The following ESF1 variants were observed in gnomAD, a reference collection of about 807,000 sequenced individuals.
ESF1 encodes ESF1 homolog.
Under a neutral mutation model 92.0 loss-of-function variants are expected in ESF1, and 58 were observed. That is an observed-to-expected ratio of 0.63 (90% CI 0.51 to 0.78). The LOEUF (loss-of-function observed/expected upper bound fraction) is 0.78. Ranked by LOEUF, ESF1 falls within the 30% of genes least tolerant of loss-of-function variation. ESF1 has a pLI of 0.00. For missense variants in ESF1, 922 were observed against 989.1 expected, an observed-to-expected ratio of 0.93 and a Z score of 0.91; for synonymous variants, 321 against 313.7, an observed-to-expected ratio of 1.02 and a Z score of -0.24.
intron 9 of ESF1, among the ~76,000 whole-genome samples, chr20:13,752,399 C>T (rs1234217461): frequency 2.0e-5 from 3 of 152,176 alleles, no homozygotes; most frequent in Admixed American, 2.0e-4. Flanking sequence ...ATTCTTTTAG[C>T]TTATTTTTAA....
chr20:13,782,394 A>C, intron 2 of ESF1, 110 bp downstream of exon 2: 2 of 884,126 alleles, frequency 2.3e-6, no homozygotes, highest in South Asian at 3.5e-5. Flanking sequence ...TAAGCATTTG[A>C]CCATTCCATA....
In ESF1 at chr20:13,756,275, G is replaced by A. The variant is rs548521693; in HGVS notation, c.1828+3417C>T. Among the ~76,000 whole-genome samples the A allele has an allele frequency of 6.6e-5, 10 of 152,276 alleles. No homozygotes were observed. The East Asian group carries it at 1.5e-3, about 24-fold the overall frequency. On this transcript the variant is annotated intron_variant, in intron 9 of 13. Transcript: ENST00000617257. ...ACCCTTTACACTTGCATGTGCATGC[G>A]TGCATGTACATAAGGATTCACAGAT...
intron 10 of ESF1, among the ~76,000 whole-genome samples, chr20:13,729,498 GAGA>G (rs1600268850): frequency 6.6e-6 from 1 of 152,192 alleles, no homozygotes; most frequent in African/African-American, 2.4e-5. Context: ...AGATCTGAAG[GAGA>G]AGAATACTTT....
At chr20:13,758,812 T>G (rs1197208078) in intron 9 of ESF1, among the ~76,000 whole-genome samples, 1 of 152,136 alleles carries the variant, frequency 6.6e-6, no homozygotes. Context: ...CCCTGATGAT[T>G]TGCCCAACAA....
At chr20:13,784,848 G>T in intron 1 of ESF1, 32 bp downstream of exon 1, 1 of 587,674 alleles carries the variant, frequency 1.7e-6, no homozygotes. Context: ...CCTTCATCTC[G>T]AGCTCTTCAA....
At chr20:13,745,806 T>G (rs1442570782) in intron 9 of ESF1, among the ~76,000 whole-genome samples, 1 of 152,144 alleles carries the variant, frequency 6.6e-6, no homozygotes, top group Non-Finnish European at 1.5e-5. Flanking sequence ...AGGATGCTTT[T>G]ATAAAGTTCA....
At chr20:13,748,268 T>C (rs975005852) in intron 9 of ESF1, among the ~76,000 whole-genome samples, 31 of 151,998 alleles carry the variant, frequency 2.0e-4, no homozygotes, top group Non-Finnish European at 3.8e-4. Flanking sequence ...TGCTTCAGTT[T>C]TTCTCTCCTG....
intron 2 of ESF1, among the ~76,000 whole-genome samples, chr20:13,777,938 GA>G (rs1980016365): frequency 6.6e-6 from 1 of 152,188 alleles, no homozygotes; most frequent in Admixed American, 6.5e-5. Context: ...AATATTTACT[GA>G]GTATCTACTA....
At chr20:13,742,389 C>T (rs902265848) in intron 9 of ESF1, among the ~76,000 whole-genome samples, 2 of 152,028 alleles carry the variant, frequency 1.3e-5, no homozygotes, top group African/African-American at 4.8e-5. Flanking sequence ...AGGAGAATTG[C>T]TTGAACCCAG....
intron 13 of ESF1, among the ~76,000 whole-genome samples, 159 bp downstream of exon 13, chr20:13,717,209 C>T (rs1034330250): frequency 2.2e-4 from 34 of 152,010 alleles, no homozygotes; most frequent in Non-Finnish European, 8.8e-5. Context: ...CCTCATGCCT[C>T]GGCCTCCAAA....
intron 8 of ESF1, among the ~76,000 whole-genome samples, chr20:13,764,917 TA>T (rs141430960): frequency 0.16 from 23,136 of 143,470 alleles, 2,185 homozygotes; most frequent in East Asian, 0.42. Flanking sequence ...TTTCAAACAT[TA>T]AAAAAAAAAA....
chr20:13,742,476 GAA>G (rs972714262), intron 9 of ESF1, among the ~76,000 whole-genome samples: 1 of 139,064 alleles, frequency 7.2e-6, no homozygotes. Flanking sequence ...GTCTCAAAAA[GAA>G]AAAAAAAAAG....
At chr20:13,755,310 T>C (rs1313382984) in intron 9 of ESF1, among the ~76,000 whole-genome samples, 2 of 152,228 alleles carry the variant, frequency 1.3e-5, no homozygotes, top group Non-Finnish European at 2.9e-5. Flanking sequence ...TTTAAGATTA[T>C]AAACAAACAT....
chr20:13,772,753 A>G, intron 4 of ESF1, 138 bp from the exon 5 acceptor site: 1 of 594,790 alleles, frequency 1.7e-6, no homozygotes, highest in South Asian at 2.2e-5. Flanking sequence ...CAAATCCACT[A>G]TAGGAAGCTA....
chr20:13,762,733 G>GT (rs1979254974), intron 8 of ESF1: 2 of 315,932 alleles, frequency 6.3e-6, no homozygotes, highest in Non-Finnish European at 1.2e-5. Flanking sequence ...ATATGCTGAT[G>GT]TATCTATGAG....
At chr20:13,744,288 G>A (rs1372597899) in intron 9 of ESF1, among the ~76,000 whole-genome samples, 1 of 152,168 alleles carries the variant, frequency 6.6e-6, no homozygotes, top group Non-Finnish European at 1.5e-5. Flanking sequence ...AGAGACACCT[G>A]TAAAACACAT....
chr20:13,721,805 G>A (rs1262565209), intron 11 of ESF1, among the ~76,000 whole-genome samples: 2 of 152,160 alleles, frequency 1.3e-5, no homozygotes, highest in African/African-American at 4.8e-5. Context: ...TTTATTGTAT[G>A]CAGCCCTTCT....
At chr20:13,720,820 A>G (rs574017684) in intron 11 of ESF1, among the ~76,000 whole-genome samples, 107 of 152,368 alleles carry the variant, frequency 7.0e-4, no homozygotes, top group Admixed American at 1.2e-3. Flanking sequence ...ATAAATTTTC[A>G]TAATTAAAAA....
chr20:13,763,194 G>C (rs1311592506), intron 8 of ESF1, among the ~76,000 whole-genome samples: 1 of 152,086 alleles, frequency 6.6e-6, no homozygotes, highest in African/African-American at 2.4e-5. Flanking sequence ...AAAAATACAA[G>C]ATACAAGGTA....
Sources: allele counts gnomAD v4.1 joint callset (sites outside exome capture counted in the v4.1 genomes callset), GRCh38; gene constraint gnomAD v4.1.1; transcripts MANE v1.5; gene names NCBI Gene and HGNC (gene_info 2026-07-23, HGNC 2026-07-21).